RLIM: variants seen among roughly 807,000 people sequenced by gnomAD.
RLIM encodes ring finger protein, LIM domain interacting.
A neutral mutation model predicts 34.0 loss-of-function variants in RLIM; 2 were observed. The observed-to-expected ratio is 0.06, with a 90% CI of 0.02 to 0.19. The LOEUF is 0.19. RLIM is among the 10% of genes least tolerant of loss of function. The pLI is 1.00. For synonymous variants in RLIM, 169 were observed against 164.0 expected (o/e 1.03, Z -0.23); for missense variants, 286 against 479.7 (o/e 0.60, Z 3.77).
In RLIM at chrX:74,584,753, G is replaced by A. The variant is rs947313186; in HGVS notation, c.*6687C>T. 1.2e-4 allele frequency among the ~76,000 whole-genome samples: 13 copies of A among 111,454 alleles called. No individual in the cohort carries two copies. The highest frequency in any genetic ancestry group is 3.9e-4 in the African/African-American group (12 of 30,666). On this transcript the variant is annotated 3_prime_UTR_variant, in exon 4 of 4. Coordinates refer to ENST00000332687, the MANE Select transcript of RLIM (RefSeq NM_016120.4). ...CACCACACCTGGCTAATTTATGTCT[G>A]GATCCTTTTCACTGACCTAAGATGC...
At chrX:74,593,673 C>T (rs1267578544) in intron 3 of RLIM, among the ~76,000 whole-genome samples, 5 of 112,690 alleles carry the variant, frequency 4.4e-5, no homozygotes, top group African/African-American at 9.7e-5. Flanking sequence ...TTGCATAGCA[C>T]ATATAATGGC....
rs933969964 is a variant in RLIM at position 74,614,221 on chromosome X, G to T, written c.-24+201C>A. 5.5e-5 allele frequency among the ~76,000 whole-genome samples: 6 copies of T among 109,844 alleles called. No individual in the cohort carries two copies. The Admixed American group carries it at 5.8e-4, about 11-fold the overall frequency. Reference sequence around the variant, plus strand: ...CTCCTTCCCCTTCAAAGAGCCTGTCGACTATACCACTCAACTAAAATGGCA... The same window carrying T: ...CTCCTTCCCCTTCAAAGAGCCTGTCTACTATACCACTCAACTAAAATGGCA... On this transcript the variant is annotated intron_variant, in intron 1 of 3. Transcript: ENST00000332687.
chrX:74,603,443 C>T (rs2079669506), intron 1 of RLIM, among the ~76,000 whole-genome samples: 1 of 111,711 alleles, frequency 9.0e-6, no homozygotes, highest in African/African-American at 3.3e-5. Context: ...CTGCATATAG[C>T]ACTTGTCTAT....
In RLIM at chrX:74,614,405, C is replaced by T. The variant is rs968398044; in HGVS notation, c.-24+17G>A. Reference sequence around the variant, plus strand: ...GCTCTACATCATTTCTCACAGGATTCCCAAGTCTTCACTTACTAGGTTTTA... The same window carrying T: ...GCTCTACATCATTTCTCACAGGATTTCCAAGTCTTCACTTACTAGGTTTTA... On this transcript the variant is annotated intron_variant, in intron 1 of 3. Transcript: ENST00000332687. 4.5e-5 allele frequency: 5 copies of T among 112,083 alleles called. No individual in the cohort carries two copies. The highest frequency in any genetic ancestry group is 1.3e-4 in the African/African-American group (4 of 30,821). 9.2% of individuals were successfully genotyped at this position (112,083 alleles called of 1,213,427 possible).
At position 74,583,150 on chromosome X, in the gene RLIM, G is replaced by A; in HGVS notation, c.*8290C>T. 8.4e-6 allele frequency: 10 copies of A among 1,194,418 alleles called. No individual in the cohort carries two copies. The highest frequency in any genetic ancestry group is 1.7e-5 in the African/African-American group (1 of 57,792). On this transcript the variant is annotated 3_prime_UTR_variant, in exon 4 of 4. Transcript: ENST00000332687. ...TTCTGGGCAGTCTCTTTAGCTTGGT[G>A]GGCTTGTAGTACAGCTACAGCTTCA...
intron 1 of RLIM, among the ~76,000 whole-genome samples, chrX:74,602,326 A>T (rs1240794762): frequency 9.0e-6 from 1 of 111,658 alleles, no homozygotes; most frequent in East Asian, 2.8e-4. Flanking sequence ...CAAGCTCAAT[A>T]AAAAGCCTGT....
chrX:74,609,487 CAAAA>C (rs752008137), intron 1 of RLIM, among the ~76,000 whole-genome samples: 1 of 32,801 alleles, frequency 3.0e-5, no homozygotes, highest in Non-Finnish European at 6.0e-5. Flanking sequence ...GACTCCGTTT[CAAAA>C]AAAAAAAAAA....
rs2079592656 is a variant in RLIM, at chrX:74,587,417, C to T, written c.*4023G>A. ...GCCCTGCAAACATGGCTTCTATGTA[C>T]TTAATATGGTAAAACATGTGACAGG... On this transcript the variant is annotated 3_prime_UTR_variant, in exon 4 of 4. Coordinates refer to ENST00000332687, the MANE Select transcript of RLIM (RefSeq NM_016120.4). The T allele has an allele frequency of 9.1e-6, 1 of 110,380 alleles. No individual in the cohort carries two copies. The highest frequency in any genetic ancestry group is 3.8e-4 in the South Asian group (1 of 2,623). The allele number at this position is 110,380 out of a possible 1,213,427, so 9.1% of individuals were successfully genotyped here.
intron 1 of RLIM, among the ~76,000 whole-genome samples, chrX:74,606,698 C>T (rs934957116): frequency 8.9e-6 from 1 of 111,875 alleles, no homozygotes; most frequent in Non-Finnish European, 1.9e-5. Context: ...ATTTGATGGA[C>T]ACACTACATT....
chrX:74,591,896 GGAACTTGAACTGGAACTGGAACTC>G lies in RLIM; in HGVS notation c.1395_1418del (p.Ser469_Ser476del). ...CGGAACTGGAACTAGGACTGGAACT[GGAACTTGAACTGGAACTGGAACTC>G]GAACTGGAACTGGAACTCGAACTGG... is the stretch of plus-strand genomic sequence containing the variant. On this transcript the variant is annotated inframe_deletion, in exon 4 of 4. Transcript: ENST00000332687. The G allele has an allele frequency of 8.3e-7, 1 of 1,210,698 alleles. No individual in the cohort carries two copies.
rs746947351 is a variant in RLIM, at chrX:74,583,903, G to T, written c.*7537C>A. ...TCTACTAAAAATAGAAAAATTAGCT[G>T]GGCGTGGTGGCGGGCGCCTGTAATC... On this transcript the variant is annotated 3_prime_UTR_variant, in exon 4 of 4. Coordinates refer to ENST00000332687, the MANE Select transcript of RLIM (RefSeq NM_016120.4). Among the ~76,000 whole-genome samples the T allele has an allele frequency of 9.0e-6, 1 of 110,849 alleles. No homozygotes were observed. Among genetic ancestry groups the T allele is most frequent in the East Asian group, 2.8e-4 (1 of 3,519 alleles).
intron 1 of RLIM, among the ~76,000 whole-genome samples, chrX:74,612,143 T>G (rs2079714427): frequency 8.9e-6 from 1 of 112,273 alleles, no homozygotes; most frequent in Non-Finnish European, 1.9e-5. Context: ...TATGAATTTT[T>G]GAATCTTAAA....
At chrX:74,599,130 C>A (rs1266378635) in intron 1 of RLIM, among the ~76,000 whole-genome samples, 5 of 111,763 alleles carry the variant, frequency 4.5e-5, no homozygotes, top group South Asian at 3.7e-4. Context: ...CTCAATTTTG[C>A]TTTTTGATCT....
intron 2 of RLIM, 64 bp downstream of exon 2, chrX:74,595,745 T>C (rs2079637003): frequency 1.1e-6 from 1 of 877,543 alleles, no homozygotes; most frequent in African/African-American, 2.2e-5. Flanking sequence ...TTAAAACAGG[T>C]TCAAGCATTT....
Position 74,584,670 on chromosome X carries a change from G to A in RLIM, c.*6770C>T, listed in dbSNP as rs191822883. On this transcript the variant is annotated 3_prime_UTR_variant, in exon 4 of 4. Transcript: ENST00000332687. ...TGGCTCACTGCAGCCTTGACCTCCC[G>A]GGCTCAAGTGATTCTACCACCTCAG... Among the ~76,000 whole-genome samples the A allele has an allele frequency of 4.5e-5, 5 of 110,634 alleles. No individual in the cohort carries two copies. Among genetic ancestry groups the A allele is most frequent in the Admixed American group, 1.9e-4 (2 of 10,307 alleles).
intron 1 of RLIM, among the ~76,000 whole-genome samples, chrX:74,598,577 G>A (rs1020335959): frequency 2.7e-5 from 3 of 110,648 alleles, no homozygotes; most frequent in Non-Finnish European, 1.9e-5. Flanking sequence ...AGGAGATAGA[G>A]ACCATCCTGG....
chrX:74,600,600 A>G (rs754376461), intron 1 of RLIM, among the ~76,000 whole-genome samples: 22 of 111,710 alleles, frequency 2.0e-4, no homozygotes, highest in Non-Finnish European at 3.0e-4. Context: ...AAAAATATAA[A>G]TCTTCCAAAG....
chrX:74,592,830 C>T lies in RLIM; in HGVS notation c.485G>A (p.Arg162His), dbSNP rs368915194. 3.3e-6 allele frequency: 4 copies of T among 1,209,924 alleles called. No individual in the cohort carries two copies. Among genetic ancestry groups the T allele is most frequent in the Admixed American group, 2.2e-5 (1 of 45,781 alleles). The change falls in exon 4 of 4, where the codon CGT (arginine) becomes CAT (histidine). Residue 162 changes from arginine to histidine, a missense_variant. Around this residue, in one of 6 missense-constraint regions of RLIM, gnomAD observed 121 missense variants for 182.4 expected, o/e 0.66. Transcript: ENST00000332687. ...SENENEPSARRSSGENVENNS... is the reference protein window; with the variant it reads ...SENENEPSARHSSGENVENNS... ...GTTTTCCACATTTTCTCCACTAGAA[C>T]GTCTTGCAGATGGCTCATTTTCATT...
rs374185278 is a variant in RLIM, at chrX:74,606,687, T to C, written c.-24+7735A>G. ...GCTAAGTATAAACACAGGCATGTTA[T>C]ATTTGATGGACACACTACATTATAG... is the stretch of plus-strand genomic sequence containing the variant. On this transcript the variant is annotated intron_variant, in intron 1 of 3. Transcript: ENST00000332687. Among the ~76,000 whole-genome samples the C allele has an allele frequency of 7.8e-4, 88 of 112,164 alleles. 2 individuals are homozygous for C. In the South Asian group the frequency reaches 0.031, roughly 39 times the overall value.
Sources: gnomAD v4.1 joint callset for allele counts (sites outside exome capture counted in the v4.1 genomes callset) on GRCh38, gnomAD v4.1.1 for gene constraint, gnomAD v4.1.1 regional missense constraint, MANE v1.5 for transcripts, NCBI Gene and HGNC (gene_info 2026-07-23, HGNC 2026-07-21) for gene names.